DDR2: variants seen among roughly 807,000 people sequenced by gnomAD.
DDR2 encodes the protein discoidin domain-containing receptor 2.
In DDR2, 27 loss-of-function variants were observed where a neutral mutation model predicts 94.9. That is an observed-to-expected ratio of 0.28 (90% CI 0.21 to 0.39). The LOEUF (loss-of-function observed/expected upper bound fraction) is 0.39. DDR2 is among the 10% of genes least tolerant of loss of function. The pLI is 1.00. For synonymous variants in DDR2, 382 were observed against 377.2 expected (o/e 1.01, Z -0.15); for missense variants, 783 against 1,076.0 (o/e 0.73, Z 3.81).
chr1:162,740,196 G>A lies in DDR2; in HGVS notation c.83-12899G>A, dbSNP rs142114353. On this transcript the variant is annotated intron_variant, in intron 3 of 17. Transcript: ENST00000367921. ...CCTGCAGGGGAGATAGGACTCACAC[G>A]TGGTACATTACAAAGCAGTATGTAT... Among the ~76,000 whole-genome samples, 1,034 of 152,172 alleles carry A rather than the reference G, an allele frequency of 6.8e-3. 14 individuals are homozygous for A. The highest frequency in any genetic ancestry group is 0.023 in the African/African-American group (956 of 41,516).
chr1:162,766,691 GA>G (rs1664004585), intron 10 of DDR2, among the ~76,000 whole-genome samples: 2 of 152,294 alleles, frequency 1.3e-5, no homozygotes, highest in Middle Eastern at 3.4e-3. Context: ...GACACATGGA[GA>G]GGGGGAGACT....
At chr1:162,684,148 G>T (rs1038588503) in intron 2 of DDR2, among the ~76,000 whole-genome samples, 1 of 152,134 alleles carries the variant, frequency 6.6e-6, no homozygotes, top group Non-Finnish European at 1.5e-5. Context: ...GGAAGCCCAG[G>T]TTTAGGTCCT....
At chr1:162,659,662 T>G (rs1217054988) in intron 2 of DDR2, among the ~76,000 whole-genome samples, 1 of 152,194 alleles carries the variant, frequency 6.6e-6, no homozygotes, top group African/African-American at 2.4e-5. Context: ...AAGGATGACT[T>G]TACTGTTAGA....
chr1:162,699,681 C>A (rs927931334), intron 2 of DDR2, among the ~76,000 whole-genome samples: 1 of 152,204 alleles, frequency 6.6e-6, no homozygotes, highest in Non-Finnish European at 1.5e-5. Context: ...AGAATATCTT[C>A]GATGAATTCA....
intron 1 of DDR2, among the ~76,000 whole-genome samples, chr1:162,642,831 C>A (rs561771377): frequency 6.6e-6 from 1 of 152,226 alleles, no homozygotes; most frequent in African/African-American, 2.4e-5. Context: ...TTTGTTAAAG[C>A]TTTTAAGAAA....
At chr1:162,775,546 C>A (rs1430156737) in intron 14 of DDR2, 106 bp from the exon 15 acceptor site, 3 of 1,252,450 alleles carry the variant, frequency 2.4e-6, no homozygotes, top group Non-Finnish European at 2.3e-6. Context: ...CAAAGGGAAA[C>A]AAGATTTGGC....
chr1:162,748,741 C>T (rs1663020374), intron 3 of DDR2, among the ~76,000 whole-genome samples: 1 of 152,194 alleles, frequency 6.6e-6, no homozygotes, highest in Non-Finnish European at 1.5e-5. Flanking sequence ...CCAAAATTGA[C>T]CACATAGTTG....
chr1:162,678,240 G>C (rs1659231078), intron 2 of DDR2, among the ~76,000 whole-genome samples: 2 of 87,680 alleles, frequency 2.3e-5, no homozygotes, highest in African/African-American at 6.7e-5. Context: ...GTGTGACCTT[G>C]GGCAGGTTAA....
chr1:162,746,731 C>A (rs1347444126), intron 3 of DDR2, among the ~76,000 whole-genome samples: 1 of 152,240 alleles, frequency 6.6e-6, no homozygotes, highest in Non-Finnish European at 1.5e-5. Context: ...TAGGGGCCTA[C>A]AGACACCTCA....
At position 162,767,071 on chromosome 1, in the gene DDR2, C is replaced by T. The variant is rs201350284; in HGVS notation, c.1163-158C>T. On this transcript the variant is annotated intron_variant, in intron 10 of 17. Coordinates refer to ENST00000367921, the MANE Select transcript of DDR2 (RefSeq NM_006182.4). ...ATAAAACAGTAGCAAGAAAACAAAACAGTAGCAAGAGCAAGAATAAGCAGA... is the reference window on the plus strand; with the variant it reads ...ATAAAACAGTAGCAAGAAAACAAAATAGTAGCAAGAGCAAGAATAAGCAGA... 9.5e-4 allele frequency among the ~76,000 whole-genome samples: 74 copies of T among 78,180 alleles called. 1 individual carries two copies. The highest frequency in any genetic ancestry group is 1.6e-3 in the Admixed American group (13 of 8,358). The allele number at this position is 78,180 out of a possible 152,430, so 51.3% of individuals were successfully genotyped here. A position where few individuals can be genotyped will look rare whatever the true frequency, so the allele number is the denominator to read the frequency against.
At chr1:162,770,799 A>G (rs1483669590) in intron 12 of DDR2, 1 of 459,840 alleles carries the variant, frequency 2.2e-6, no homozygotes, top group African/African-American at 2.0e-5. Flanking sequence ...GAACCTAAAC[A>G]GTCCAACCAG....
rs1284653691 is a variant in DDR2 at position 162,781,035 on chromosome 1, C to T, written c.*789C>T. The T allele has an allele frequency of 6.6e-6, 1 of 152,130 alleles. No homozygotes were observed. Among genetic ancestry groups the T allele is most frequent in the African/African-American group, 2.4e-5 (1 of 41,432 alleles). 9.4% of individuals were successfully genotyped at this position (152,130 alleles called of 1,614,324 possible). On this transcript the variant is annotated 3_prime_UTR_variant, in exon 18 of 18. Transcript: ENST00000367921. ...CATAGGAAAGGAGGTCAATGGAGGA[C>T]ACATAACAGACATGCTATCCACCAT...
intron 3 of DDR2, among the ~76,000 whole-genome samples, chr1:162,739,127 G>C (rs1245226980): frequency 7.6e-6 from 1 of 131,386 alleles, no homozygotes; most frequent in Non-Finnish European, 1.6e-5. Flanking sequence ...TTAAACTAAA[G>C]AGCTTCTGCA....
At chr1:162,675,782 C>T (rs910752245) in intron 2 of DDR2, among the ~76,000 whole-genome samples, 21 of 152,046 alleles carry the variant, frequency 1.4e-4, no homozygotes, top group Admixed American at 1.0e-3. Context: ...TTAGAAAAAT[C>T]CCTGTGGCTG....
intron 2 of DDR2, among the ~76,000 whole-genome samples, chr1:162,681,126 C>T (rs1168763180): frequency 6.6e-6 from 1 of 152,166 alleles, no homozygotes; most frequent in Non-Finnish European, 1.5e-5. Flanking sequence ...AGTGTCTTAA[C>T]CTTCCTGGAT....
At chr1:162,732,350 G>A (rs1288277097) in intron 3 of DDR2, among the ~76,000 whole-genome samples, 1 of 152,184 alleles carries the variant, frequency 6.6e-6, no homozygotes, top group Non-Finnish European at 1.5e-5. Context: ...GTGGGAAGCA[G>A]GGCCTCAGTG....
In DDR2 at chr1:162,767,315, G is replaced by T. The variant is rs1320935315; in HGVS notation, c.1249G>T (p.Val417Phe). 2 of 1,613,972 alleles carry T rather than the reference G, an allele frequency of 1.2e-6. No homozygotes were observed. Among genetic ancestry groups the T allele is most frequent in the South Asian group, 2.2e-5 (2 of 91,086 alleles). Residue 417 changes from valine to phenylalanine, a missense_variant, in exon 11 of 18, where the codon GTC (valine) becomes TTC (phenylalanine). Physicochemically the swap from Val to Phe is conservative, Grantham distance 50 (BLOSUM62 -1). Transcript: ENST00000367921. The stretch of plus-strand genomic sequence containing the variant: ...CATCTTTATCCTCCTGGCCATCATT[G>T]TCATCATCCTCTGGAGGCAGTTCTG... ...AIIFILLAIIVIILWRQFWQK... is the reference protein window; with the variant it reads ...AIIFILLAIIFIILWRQFWQK...
intron 2 of DDR2, among the ~76,000 whole-genome samples, chr1:162,656,347 G>A (rs1045238051): frequency 3.9e-5 from 6 of 152,178 alleles, no homozygotes; most frequent in Non-Finnish European, 8.8e-5. Flanking sequence ...AATGATTATT[G>A]GGATAAGGGT....
intron 8 of DDR2, among the ~76,000 whole-genome samples, chr1:162,760,550 ACATATACAACTAGATATATGTATAT>A: frequency 6.7e-6 from 1 of 148,468 alleles, no homozygotes; most frequent in African/African-American, 2.5e-5. Flanking sequence ...ATATGTATAT[ACATATACAACTAGATATATGTATAT>A]ACATATACAA....
Sources: gnomAD v4.1 joint callset for allele counts (sites outside exome capture counted in the v4.1 genomes callset) on GRCh38, gnomAD v4.1.1 for gene constraint, MANE v1.5 for transcripts, NCBI Gene and HGNC (gene_info 2026-07-23, HGNC 2026-07-21) for gene names.